The following MSI2 variants were observed in gnomAD, a reference collection of about 807,000 sequenced individuals.
MSI2 encodes the protein RNA-binding protein Musashi homolog 2.
Under a neutral mutation model 45.6 loss-of-function variants are expected in MSI2, and 17 were observed. The observed-to-expected ratio is 0.37, with a 90% CI of 0.26 to 0.56. MSI2 has a LOEUF of 0.56. Among genes scored for constraint, MSI2 ranks in the 20% least tolerant of loss-of-function variants. MSI2 has a pLI of 0.77. For synonymous variants in MSI2, 156 were observed against 158.2 expected (o/e 0.99, Z 0.11); for missense variants, 293 against 444.2 (o/e 0.66, Z 3.06).
At chr17:57,325,467 A>G (rs192186226) in intron 5 of MSI2, among the ~76,000 whole-genome samples, 12 of 152,356 alleles carry the variant, frequency 7.9e-5, no homozygotes, top group Admixed American at 3.3e-4. Context: ...AAAATTATTA[A>G]AAACAAAAAA....
At chr17:57,672,809 G>C (rs1426829481) in intron 11 of MSI2, among the ~76,000 whole-genome samples, 1 of 152,194 alleles carries the variant, frequency 6.6e-6, no homozygotes, top group Non-Finnish European at 1.5e-5. Context: ...AAGTGTGTTA[G>C]ACTAAGATAA....
chr17:57,701,253 G>A, the MSI2 span, among the ~76,000 whole-genome samples: 701 of 152,204 alleles, frequency 4.6e-3, 2 homozygotes, highest in African/African-American at 0.015. Context: ...TAAGAAGCCC[G>A]CATGCTTTGC....
chr17:57,553,263 C>T (rs1480547865), intron 7 of MSI2, among the ~76,000 whole-genome samples: 2 of 152,156 alleles, frequency 1.3e-5, no homozygotes, highest in African/African-American at 2.4e-5. Flanking sequence ...TGCCAAGGCT[C>T]GACCAGTGCA....
intron 4 of MSI2, 101 bp downstream of exon 4, chr17:57,258,455 A>G (rs996816713): frequency 3.5e-5 from 35 of 998,190 alleles, no homozygotes; most frequent in African/African-American, 6.4e-5. Flanking sequence ...CTTCTGTGCT[A>G]GAACTGGGTA....
At chr17:57,500,520 C>T (rs2086080976) in intron 6 of MSI2, among the ~76,000 whole-genome samples, 1 of 151,458 alleles carries the variant, frequency 6.6e-6, no homozygotes, top group Admixed American at 6.6e-5. Context: ...CAGTTGCCCG[C>T]TTGGTAGAGC....
chr17:57,559,864 C>T (rs1355651262), intron 7 of MSI2, among the ~76,000 whole-genome samples: 3 of 152,262 alleles, frequency 2.0e-5, no homozygotes, highest in Admixed American at 6.5e-5. Flanking sequence ...CCCCGTGCCC[C>T]TGCAGAGGCA....
At chr17:57,379,496 T>G (rs908286491) in intron 5 of MSI2, among the ~76,000 whole-genome samples, 9 of 150,904 alleles carry the variant, frequency 6.0e-5, no homozygotes, top group African/African-American at 1.5e-4. Flanking sequence ...TTTTTTTTTT[T>G]GCTTTGTCAT....
intron 6 of MSI2, among the ~76,000 whole-genome samples, chr17:57,409,379 G>A (rs72833004): frequency 0.1 from 15,688 of 152,292 alleles, 980 homozygotes; most frequent in Non-Finnish European, 0.15. Context: ...GAATGAAATG[G>A]AAGCAGAGAT....
At chr17:57,376,574 A>T (rs1327337183) in intron 5 of MSI2, among the ~76,000 whole-genome samples, 1 of 152,040 alleles carries the variant, frequency 6.6e-6, no homozygotes. Flanking sequence ...TTGACTGGAG[A>T]TCTGGGTTTT....
intron 5 of MSI2, among the ~76,000 whole-genome samples, chr17:57,358,682 A>G (rs1311261033): frequency 6.6e-6 from 1 of 152,234 alleles, no homozygotes; most frequent in Non-Finnish European, 1.5e-5. Context: ...CACAAATTCC[A>G]TGAAAACCAT....
At chr17:57,549,852 C>T (rs1036362314) in intron 7 of MSI2, among the ~76,000 whole-genome samples, 1 of 152,202 alleles carries the variant, frequency 6.6e-6, no homozygotes, top group Non-Finnish European at 1.5e-5. Flanking sequence ...TAGCTTGATG[C>T]CCAAGGCCTT....
intron 11 of MSI2, among the ~76,000 whole-genome samples, chr17:57,672,629 C>T (rs1287505315): frequency 6.6e-6 from 1 of 152,158 alleles, no homozygotes; most frequent in Admixed American, 6.5e-5. Flanking sequence ...AGAAAGAAGC[C>T]AAAAAACTTT....
At chr17:57,611,845 C>T (rs1467928857) in intron 8 of MSI2, among the ~76,000 whole-genome samples, 1 of 95,072 alleles carries the variant, frequency 1.1e-5, no homozygotes, top group Non-Finnish European at 2.5e-5. Flanking sequence ...CTGACCACAG[C>T]GCCATGAGAC....
At chr17:57,356,847 T>C (rs945969635) in intron 5 of MSI2, among the ~76,000 whole-genome samples, 1 of 152,194 alleles carries the variant, frequency 6.6e-6, no homozygotes, top group Non-Finnish European at 1.5e-5. Flanking sequence ...TGAAAATTCT[T>C]CGTTGCAGCT....
intron 11 of MSI2, among the ~76,000 whole-genome samples, chr17:57,656,046 G>A (rs1911564308): frequency 6.6e-6 from 1 of 152,180 alleles, no homozygotes; most frequent in Non-Finnish European, 1.5e-5. Context: ...AGCTGTAGTT[G>A]TAGTACATGC....
chr17:57,677,405 C>T (rs549276443), intron 13 of MSI2, among the ~76,000 whole-genome samples: 1 of 152,260 alleles, frequency 6.6e-6, no homozygotes, highest in East Asian at 1.9e-4. Context: ...CGTGCTGTGC[C>T]CGTCCCAGGG....
At chr17:57,402,237 C>T (rs1308103395) in intron 6 of MSI2, among the ~76,000 whole-genome samples, 2 of 152,146 alleles carry the variant, frequency 1.3e-5, no homozygotes, top group African/African-American at 4.8e-5. Context: ...CTCAGATGGC[C>T]CTGTTGCCTT....
intron 5 of MSI2, among the ~76,000 whole-genome samples, chr17:57,319,960 C>T (rs1913192020): frequency 6.6e-6 from 1 of 152,102 alleles, no homozygotes. Flanking sequence ...AGAGGGGCGA[C>T]TGCAGCTCTC....
chr17:57,526,058 C>G (rs1023401811), intron 6 of MSI2, among the ~76,000 whole-genome samples: 1 of 152,040 alleles, frequency 6.6e-6, no homozygotes, highest in African/African-American at 2.4e-5. Context: ...AACCCCGTCT[C>G]TACTAAAAAT....
Sources: allele counts gnomAD v4.1 joint callset (sites outside exome capture counted in the v4.1 genomes callset), GRCh38; gene constraint gnomAD v4.1.1; transcripts MANE v1.5; gene names NCBI Gene and HGNC (gene_info 2026-07-23, HGNC 2026-07-21).